FAF1: variants seen among roughly 807,000 people sequenced by gnomAD.
FAF1 encodes Fas associated factor 1.
FAF1 carries 25 observed loss-of-function variants against 92.5 expected under a neutral mutation model. The ratio of observed to expected loss-of-function variants is 0.27; its 90% CI spans 0.20 to 0.38. The LOEUF (loss-of-function observed/expected upper bound fraction) is 0.38. Ranked by LOEUF, FAF1 falls within the 10% of genes least tolerant of loss-of-function variation. The pLI is 1.00. For synonymous variants in FAF1, 234 were observed against 273.2 expected, an observed-to-expected ratio of 0.86 and a Z score of 1.42; for missense variants, 636 against 793.3, an observed-to-expected ratio of 0.80 and a Z score of 2.38.
intron 2 of FAF1, among the ~76,000 whole-genome samples, chr1:50,832,040 AC>A (rs1251232593): frequency 6.7e-6 from 1 of 150,116 alleles, no homozygotes; most frequent in Admixed American, 6.7e-5. Flanking sequence ...GTCTCCTATC[AC>A]CCCCAGATGG....
rs576096808 is a variant in FAF1, at chr1:50,718,472, C to T, written c.552-12581G>A. ...ATCAGTGCTATGTGTGCAGTTAAGA[C>T]GAATATAAAGTACTAACATCAATAC... On this transcript the variant is annotated intron_variant, in intron 6 of 18. Coordinates refer to ENST00000396153, the MANE Select transcript of FAF1 (RefSeq NM_007051.3). Among the ~76,000 whole-genome samples the T allele has an allele frequency of 5.9e-5, 9 of 152,242 alleles. No individual in the cohort carries two copies. In the South Asian group the frequency reaches 8.3e-4, roughly 14 times the overall value.
At chr1:50,789,150 A>G (rs1471492770) in intron 3 of FAF1, among the ~76,000 whole-genome samples, 1 of 150,856 alleles carries the variant, frequency 6.6e-6, no homozygotes, top group African/African-American at 2.4e-5. Flanking sequence ...TAATCTCCTC[A>G]TTAGCTCTAC....
Position 50,574,107 on chromosome 1 carries a change from C to T in FAF1, c.1114-6876G>A, listed in dbSNP as rs1041946997. Among the ~76,000 whole-genome samples, 8 of 152,066 alleles carry T rather than the reference C, an allele frequency of 5.3e-5. No homozygotes were observed. In the South Asian group the frequency reaches 6.2e-4, roughly 12 times the overall value. On this transcript the variant is annotated intron_variant, in intron 12 of 18. Coordinates refer to ENST00000396153, the MANE Select transcript of FAF1 (RefSeq NM_007051.3). ...TGCCACTACACTCCATCCTGGGCAA[C>T]GGGGCGAGACTCTGTCTAAAAAAAG...
chr1:50,717,105 C>T (rs1475564582), intron 6 of FAF1, among the ~76,000 whole-genome samples: 9 of 152,138 alleles, frequency 5.9e-5, no homozygotes, highest in Admixed American at 5.2e-4. Flanking sequence ...CGAAGGTCCG[C>T]GGCTTCATTC....
chr1:50,619,084 G>A lies in FAF1; in HGVS notation c.745-22868C>T, dbSNP rs147590003. Among the ~76,000 whole-genome samples, 65 of 152,242 alleles carry A rather than the reference G, an allele frequency of 4.3e-4. 4 individuals carry two copies. Among genetic ancestry groups the A allele is most frequent in the African/African-American group, 1.4e-3 (59 of 41,550 alleles). ...TTGCTCTATTATGTTTTATTTCTGC[G>A]TGGTAGATCTTTCTCCATCCCTTTA... On this transcript the variant is annotated intron_variant, in intron 8 of 18. Transcript: ENST00000396153.
In FAF1 at chr1:50,938,350, A is replaced by G. The variant is rs945139430; in HGVS notation, c.45+21417T>C. Among the ~76,000 whole-genome samples the G allele has an allele frequency of 1.5e-4, 23 of 152,212 alleles. 1 individual carries two copies. The highest frequency in any genetic ancestry group is 1.1e-3 in the Admixed American group (17 of 15,278). ...AAAAACTCAGTAGGAATGTATATGA[A>G]ACTGAGTCCTAGGACCAGCTATGTA... On this transcript the variant is annotated intron_variant, in intron 1 of 18. Coordinates refer to ENST00000396153, the MANE Select transcript of FAF1 (RefSeq NM_007051.3).
At position 50,650,936 on chromosome 1, in the gene FAF1, G is replaced by A. The variant is rs74080038; in HGVS notation, c.744+4506C>T. The stretch of plus-strand genomic sequence containing the variant: ...CCTGATCAAAGAGTACAAAAGGAAC[G>A]GAGTTACTGACAATTCATACAGTAT... On this transcript the variant is annotated intron_variant, in intron 8 of 18. Coordinates refer to ENST00000396153, the MANE Select transcript of FAF1 (RefSeq NM_007051.3). Among the ~76,000 whole-genome samples, 6 of 152,272 alleles carry A rather than the reference G, an allele frequency of 3.9e-5. No homozygotes were observed. The South Asian group carries it at 6.2e-4, about 16-fold the overall frequency.
At chr1:50,815,970 T>C (rs2124611896) in intron 2 of FAF1, among the ~76,000 whole-genome samples, 1 of 149,820 alleles carries the variant, frequency 6.7e-6, no homozygotes, top group East Asian at 2.0e-4. Context: ...GAGGTTGCAG[T>C]GAGCTGAGAT....
intron 15 of FAF1, among the ~76,000 whole-genome samples, chr1:50,534,943 C>T (rs1648393350): frequency 6.6e-6 from 1 of 152,146 alleles, no homozygotes; most frequent in Non-Finnish European, 1.5e-5. Flanking sequence ...CTAATGCTCA[C>T]AGTACTTCAA....
At chr1:50,851,163 T>C (rs1302143503) in intron 2 of FAF1, among the ~76,000 whole-genome samples, 4 of 151,110 alleles carry the variant, frequency 2.6e-5, no homozygotes, top group African/African-American at 9.7e-5. Flanking sequence ...TCACTACAAC[T>C]TCTGCTTTCC....
intron 4 of FAF1, among the ~76,000 whole-genome samples, chr1:50,767,579 T>C (rs558183159): frequency 6.6e-6 from 1 of 152,192 alleles, no homozygotes; most frequent in South Asian, 2.1e-4. Flanking sequence ...ACAGGTAACC[T>C]ACAAAGGGAA....
chr1:50,585,365 T>C (rs2124027903), intron 9 of FAF1, among the ~76,000 whole-genome samples: 1 of 152,206 alleles, frequency 6.6e-6, no homozygotes, highest in East Asian at 1.9e-4. Flanking sequence ...ATAATAATGT[T>C]TTACATATGA....
chr1:50,596,641 A>C (rs1450717017), intron 8 of FAF1, among the ~76,000 whole-genome samples: 1 of 152,236 alleles, frequency 6.6e-6, no homozygotes, highest in Non-Finnish European at 1.5e-5. Flanking sequence ...CATATATCAG[A>C]AATATACAAA....
chr1:50,458,894 A>G (rs1391135027), intron 18 of FAF1, among the ~76,000 whole-genome samples: 2 of 152,120 alleles, frequency 1.3e-5, no homozygotes, highest in Non-Finnish European at 2.9e-5. Flanking sequence ...TTTACACAAG[A>G]TCAAACACCT....
chr1:50,624,330 A>C (rs1653363457), intron 8 of FAF1, among the ~76,000 whole-genome samples: 1 of 152,074 alleles, frequency 6.6e-6, no homozygotes, highest in Non-Finnish European at 1.5e-5. Context: ...TGTATTTTTT[A>C]GTAGAGATAG....
intron 8 of FAF1, among the ~76,000 whole-genome samples, chr1:50,613,900 C>T (rs1019327039): frequency 7.2e-5 from 11 of 151,946 alleles, no homozygotes; most frequent in African/African-American, 2.2e-4. Context: ...AGATCAAGAC[C>T]GTCCTGGCCA....
At chr1:50,750,040 C>G (rs553293678) in intron 4 of FAF1, among the ~76,000 whole-genome samples, 10 of 152,180 alleles carry the variant, frequency 6.6e-5, no homozygotes, top group African/African-American at 2.2e-4. Context: ...TATAGGTTCT[C>G]AAAACACAGG....
chr1:50,585,139 TCAGAGA>T (rs1326458890), intron 9 of FAF1, among the ~76,000 whole-genome samples: 1 of 152,144 alleles, frequency 6.6e-6, no homozygotes, highest in Non-Finnish European at 1.5e-5. Flanking sequence ...ACTGGAGAAG[TCAGAGA>T]CAAAGTAAGT....
At chr1:50,739,245 T>C (rs1659268463) in intron 5 of FAF1, among the ~76,000 whole-genome samples, 1 of 152,058 alleles carries the variant, frequency 6.6e-6, no homozygotes, top group South Asian at 2.1e-4. Flanking sequence ...CATATATATG[T>C]GTGTCTATAT....
Sources: gnomAD v4.1 joint callset for allele counts (sites outside exome capture counted in the v4.1 genomes callset) on GRCh38, gnomAD v4.1.1 for gene constraint, MANE v1.5 for transcripts, NCBI Gene and HGNC (gene_info 2026-07-23, HGNC 2026-07-21) for gene names.